Variants in METAP1 observed in about 807,000 individuals in gnomAD.
METAP1 encodes methionine aminopeptidase 1.
In METAP1, 28 loss-of-function variants were observed where a neutral mutation model predicts 53.8. The observed-to-expected ratio is 0.52, with a 90% CI of 0.39 to 0.71. METAP1 has a LOEUF of 0.71. Among genes scored for constraint, METAP1 ranks in the 30% least tolerant of loss-of-function variants. The pLI, the probability that METAP1 is intolerant of heterozygous loss-of-function variation, is 0.00. For synonymous variants in METAP1, 181 were observed against 165.7 expected (o/e 1.09, Z -0.71); for missense variants, 389 against 479.8 (o/e 0.81, Z 1.77).
chr4:99,018,549 G>C (rs1723911024), intron 1 of METAP1, among the ~76,000 whole-genome samples: 1 of 152,148 alleles, frequency 6.6e-6, no homozygotes, highest in Non-Finnish European at 1.5e-5. Context: ...AATAGATCTT[G>C]GCTGTCCTCA....
intron 2 of METAP1, among the ~76,000 whole-genome samples, chr4:99,033,257 T>C (rs1403337915): frequency 2.0e-5 from 3 of 152,266 alleles, no homozygotes; most frequent in African/African-American, 7.2e-5. Flanking sequence ...GTTTTATTTT[T>C]TTTTTTTTCG....
At chr4:98,999,508 ATTT>A (rs58336779) in intron 1 of METAP1, among the ~76,000 whole-genome samples, 2 of 113,028 alleles carry the variant, frequency 1.8e-5, no homozygotes, top group Non-Finnish European at 1.8e-5. Context: ...AGGATGCTTA[ATTT>A]TTTTTTTTTT....
intron 2 of METAP1, among the ~76,000 whole-genome samples, chr4:99,033,017 G>A (rs1725159177): frequency 6.6e-6 from 1 of 152,188 alleles, no homozygotes; most frequent in East Asian, 1.9e-4. Context: ...ATTCTTGTCA[G>A]TTGTACCTTA....
chr4:99,022,387 G>A, intron 1 of METAP1: 1 of 837,588 alleles, frequency 1.2e-6, no homozygotes, highest in South Asian at 3.7e-5. Flanking sequence ...GGCCAGGAGT[G>A]CTTTGTTGGA....
intron 5 of METAP1, 34 bp downstream of exon 5, chr4:99,039,499 T>G: frequency 2.3e-6 from 3 of 1,313,558 alleles, no homozygotes; most frequent in Non-Finnish European, 3.3e-6. Flanking sequence ...GGGTAGGAAA[T>G]GTTTAAGCAG....
intron 10 of METAP1, among the ~76,000 whole-genome samples, chr4:99,059,943 T>C (rs988727741): frequency 2.6e-5 from 4 of 152,218 alleles, no homozygotes; most frequent in African/African-American, 9.6e-5. Flanking sequence ...CACCATCTGT[T>C]TGTGTGCCTA....
chr4:99,039,285 C>A (rs938932377), intron 4 of METAP1, 89 bp from the exon 5 acceptor site: 1 of 726,500 alleles, frequency 1.4e-6, no homozygotes, highest in Non-Finnish European at 2.3e-6. Flanking sequence ...AGTGAGACTA[C>A]TGTTTTTATG....
chr4:99,022,754 T>G, intron 1 of METAP1: 1 of 1,602,082 alleles, frequency 6.2e-7, no homozygotes. Flanking sequence ...CATAGGCGTG[T>G]TGTGTAGACT....
intron 6 of METAP1, 40 bp from the exon 7 acceptor site, chr4:99,043,205 ATTTT>A: frequency 7.2e-7 from 1 of 1,392,208 alleles, no homozygotes; most frequent in Non-Finnish European, 9.7e-7. Context: ...TTTCATACAG[ATTTT>A]TTCTTTTATA....
chr4:99,051,775 G>GTTT (rs1022837077), intron 9 of METAP1, among the ~76,000 whole-genome samples: 217 of 146,026 alleles, frequency 1.5e-3, no homozygotes, highest in African/African-American at 5.0e-3. Context: ...ACTATTGAGG[G>GTTT]TTTTTTTTTT....
chr4:99,057,944 A>G (rs935309843), intron 10 of METAP1, 126 bp downstream of exon 10: 4 of 749,582 alleles, frequency 5.3e-6, no homozygotes, highest in Admixed American at 2.6e-5. Context: ...TCCCACCTCA[A>G]ACTTGATTCA....
chr4:99,032,221 G>T (rs868324700), intron 2 of METAP1, among the ~76,000 whole-genome samples: 36 of 147,520 alleles, frequency 2.4e-4, no homozygotes, highest in African/African-American at 6.7e-4. Context: ...TTTTTTTTTT[G>T]TTTTGTTTTG....
intron 1 of METAP1, chr4:99,022,689 G>GC: frequency 7.2e-7 from 1 of 1,392,860 alleles, no homozygotes; most frequent in East Asian, 2.3e-5. Context: ...GTGAAATGGT[G>GC]CAAGTACTTG....
intron 9 of METAP1, among the ~76,000 whole-genome samples, chr4:99,055,164 G>C (rs1727010649): frequency 6.6e-6 from 1 of 152,100 alleles, no homozygotes; most frequent in South Asian, 2.1e-4. Context: ...GCTGAAGCAG[G>C]CGGATCATTT....
At chr4:99,041,614 G>A (rs1334006203) in intron 6 of METAP1, among the ~76,000 whole-genome samples, 2 of 151,918 alleles carry the variant, frequency 1.3e-5, no homozygotes, top group Non-Finnish European at 2.9e-5. Flanking sequence ...GACCTTATTA[G>A]ATGAGTGTAC....
chr4:99,012,156 T>C (rs559583172), intron 1 of METAP1, among the ~76,000 whole-genome samples: 1 of 152,256 alleles, frequency 6.6e-6, no homozygotes, highest in Admixed American at 6.5e-5. Context: ...CCCACCTCAG[T>C]CTTCCTTATT....
At chr4:99,034,365 A>T (rs1390074359) in intron 3 of METAP1, 23 bp downstream of exon 3, 2 of 1,327,330 alleles carry the variant, frequency 1.5e-6, no homozygotes, top group Non-Finnish European at 2.1e-6. Flanking sequence ...GGTAATAAAA[A>T]CAACATTCCA....
At chr4:99,006,422 C>G (rs1404813919) in intron 1 of METAP1, among the ~76,000 whole-genome samples, 1 of 152,106 alleles carries the variant, frequency 6.6e-6, no homozygotes, top group African/African-American at 2.4e-5. Context: ...CCTAAGTTAA[C>G]ATTTTGCTGT....
intron 8 of METAP1, among the ~76,000 whole-genome samples, chr4:99,046,835 A>G (rs1726280006): frequency 2.7e-5 from 4 of 149,216 alleles, no homozygotes. Flanking sequence ...TTAATTTGTC[A>G]TTTGTGAAAG....
Sources: gnomAD v4.1 joint callset for allele counts (sites outside exome capture counted in the v4.1 genomes callset) on GRCh38, gnomAD v4.1.1 for gene constraint, MANE v1.5 for transcripts, NCBI Gene and HGNC (gene_info 2026-07-23, HGNC 2026-07-21) for gene names.